DTX4: variants seen among roughly 807,000 people sequenced by gnomAD.
DTX4 encodes the protein deltex E3 ubiquitin ligase 4.
A neutral mutation model predicts 57.6 loss-of-function variants in DTX4; 28 were observed. The ratio of observed to expected loss-of-function variants is 0.49; its 90% confidence interval spans 0.36 to 0.67. DTX4 has a LOEUF of 0.67. Ranked by LOEUF, DTX4 falls within the 30% of genes least tolerant of loss-of-function variation. The pLI is 0.00. For missense variants in DTX4, 715 were observed against 836.8 expected (o/e 0.85, Z 1.80); for synonymous variants, 316 against 331.0 (o/e 0.95, Z 0.49).
At position 59,205,176 on chromosome 11, in the gene DTX4, G is replaced by A; in HGVS notation, c.*267G>A. ...CCATGGAGTTTTTGGTGCTGGGTAG[G>A]CAGGAATCCCCTCCCTACCCCACCT... On this transcript the variant is annotated 3_prime_UTR_variant, in exon 9 of 9. Coordinates refer to ENST00000227451, the MANE Select transcript of DTX4 (RefSeq NM_015177.2). The A allele has an allele frequency of 2.3e-6, 1 of 428,632 alleles. No individual in the cohort carries two copies. 26.6% of individuals were successfully genotyped at this position (428,632 alleles called of 1,614,324 possible). A position where few individuals can be genotyped will look rare whatever the true frequency, so the allele number is the denominator to read the frequency against.
Sources: gnomAD v4.1 joint callset for allele counts on GRCh38, gnomAD v4.1.1 for gene constraint, MANE v1.5 for transcripts, NCBI Gene and HGNC (gene_info 2026-07-23, HGNC 2026-07-21) for gene names.